Variants in SEC23IP observed in about 807,000 individuals in gnomAD.
SEC23IP encodes the protein SEC23 interacting protein.
Under a neutral mutation model 113.4 loss-of-function variants are expected in SEC23IP, and 70 were observed. The ratio of observed to expected loss-of-function variants is 0.62; its 90% CI spans 0.51 to 0.75. The LOEUF is 0.75. Among genes scored for constraint, SEC23IP ranks in the 30% least tolerant of loss-of-function variants. The pLI, the probability that SEC23IP is intolerant of heterozygous loss-of-function variation, is 0.00. For missense variants in SEC23IP, 1,160 were observed against 1,204.9 expected, an observed-to-expected ratio of 0.96 and a Z score of 0.55; for synonymous variants, 398 against 421.0, an observed-to-expected ratio of 0.95 and a Z score of 0.67.
rs1854363068 is a variant in SEC23IP, at chr10:119,898,555, C to T, written c.292C>T (p.Gln98Ter). The T allele has an allele frequency of 6.2e-7, 1 of 1,614,076 alleles. No individual in the cohort carries two copies. Among genetic ancestry groups the T allele is most frequent in the South Asian group, 1.1e-5 (1 of 91,094 alleles). ...CAGTGATCCTTTTGGGAATATTGGACAGTCACCATTAACAACTGCAGCAAC... is the reference window on the plus strand; with the variant it reads ...CAGTGATCCTTTTGGGAATATTGGATAGTCACCATTAACAACTGCAGCAAC... The part of the protein sequence containing the change: ...SSSDPFGNIG[Q>*]SPLTTAATSV... The change falls in exon 2 of 19, where the codon CAG becomes TAG. Residue 98 changes from glutamine to a stop codon, truncating the protein, a stop_gained. Coordinates refer to ENST00000369075, the MANE Select transcript of SEC23IP (RefSeq NM_007190.4). LOFTEE classifies it high-confidence loss of function.
chr10:119,899,855 A>C (rs1224516408), intron 2 of SEC23IP, among the ~76,000 whole-genome samples: 4 of 152,240 alleles, frequency 2.6e-5, no homozygotes, highest in Admixed American at 2.6e-4. Context: ...TTGCAAAAAT[A>C]AAAAGAGTAC....
chr10:119,905,020 G>T (rs980955889), intron 4 of SEC23IP, among the ~76,000 whole-genome samples: 2 of 152,200 alleles, frequency 1.3e-5, no homozygotes, highest in East Asian at 3.9e-4. Context: ...AGTAGTCCGA[G>T]CTACTCGGGA....
At chr10:119,918,618 G>C (rs1855133527) in intron 10 of SEC23IP, 107 bp downstream of exon 10, 1 of 771,402 alleles carries the variant, frequency 1.3e-6, no homozygotes, top group Non-Finnish European at 2.2e-6. Flanking sequence ...TTGTTTGTTT[G>C]TTTGTTTGTT....
intron 3 of SEC23IP, among the ~76,000 whole-genome samples, 194 bp downstream of exon 3, chr10:119,903,203 T>C (rs939959737): frequency 1.3e-5 from 2 of 152,236 alleles, no homozygotes; most frequent in Non-Finnish European, 2.9e-5. Flanking sequence ...GTTTTAGTAA[T>C]TTACTTCGTA....
chr10:119,893,732 A>C (rs1024771393), intron 1 of SEC23IP, among the ~76,000 whole-genome samples: 1 of 151,820 alleles, frequency 6.6e-6, no homozygotes, highest in African/African-American at 2.4e-5. Flanking sequence ...GTTGGCCAGG[A>C]TGGTCTCAAT....
intron 1 of SEC23IP, among the ~76,000 whole-genome samples, chr10:119,896,196 G>A (rs995322466): frequency 6.6e-6 from 1 of 152,206 alleles, no homozygotes; most frequent in Non-Finnish European, 1.5e-5. Flanking sequence ...GAAGACCAGA[G>A]TGTCAGCTCT....
Position 119,925,127 on chromosome 10 carries a change from TGTGTC to T in SEC23IP, c.2122-906_2122-902del, listed in dbSNP as rs1855377858. 2.0e-5 allele frequency among the ~76,000 whole-genome samples: 3 copies of T among 152,202 alleles called. No homozygotes were observed. The South Asian group carries it at 6.2e-4, about 32-fold the overall frequency. ...GTGAGTTTTCACGATTGTATGCACTTGTGTCGTCACTGCCTAAAACAAGAAATTGA... is the reference window on the plus strand; with the variant it reads ...GTGAGTTTTCACGATTGTATGCACTTGTCACTGCCTAAAACAAGAAATTGA... On this transcript the variant is annotated intron_variant, in intron 12 of 18. Transcript: ENST00000369075.
At chr10:119,892,997 G>T in intron 1 of SEC23IP, 52 bp downstream of exon 1, 2 of 1,568,482 alleles carry the variant, frequency 1.3e-6, no homozygotes, top group Non-Finnish European at 1.7e-6. Flanking sequence ...CGGGGGACGT[G>T]CAATGACAAA....
chr10:119,902,698 A>C (rs1854536172), intron 2 of SEC23IP, 101 bp from the exon 3 acceptor site: 1 of 914,872 alleles, frequency 1.1e-6, no homozygotes, highest in South Asian at 1.6e-5. Flanking sequence ...AATTGTCCAG[A>C]TATACATGTA....
chr10:119,901,917 C>T (rs1227637126), intron 2 of SEC23IP, among the ~76,000 whole-genome samples: 2 of 152,124 alleles, frequency 1.3e-5, no homozygotes, highest in Admixed American at 1.3e-4. Context: ...GAACTCCTGA[C>T]CTTAGGTGAT....
intron 5 of SEC23IP, among the ~76,000 whole-genome samples, chr10:119,909,877 CTCTG>C (rs1854803427): frequency 6.6e-6 from 1 of 152,186 alleles, no homozygotes; most frequent in Non-Finnish European, 1.5e-5. Flanking sequence ...CACAGCAAGA[CTCTG>C]TCTAAATAAA....
intron 12 of SEC23IP, among the ~76,000 whole-genome samples, chr10:119,921,559 A>G (rs1467844459): frequency 6.6e-6 from 1 of 152,262 alleles, no homozygotes; most frequent in African/African-American, 2.4e-5. Context: ...GCACCAAGTA[A>G]TAGCTCACTT....
chr10:119,924,660 G>A (rs908673957), intron 12 of SEC23IP, among the ~76,000 whole-genome samples: 1 of 151,912 alleles, frequency 6.6e-6, no homozygotes, highest in East Asian at 1.9e-4. Context: ...TGATTCGCCC[G>A]CCTCGGCCTC....
At chr10:119,914,695 A>T (rs781736080) in intron 6 of SEC23IP, 35 bp from the exon 7 acceptor site, 1 of 1,549,666 alleles carries the variant, frequency 6.5e-7, no homozygotes, top group South Asian at 1.1e-5. Context: ...ACAAATTCCC[A>T]TCTTTTATGT....
At chr10:119,894,316 C>G (rs1660374786) in intron 1 of SEC23IP, among the ~76,000 whole-genome samples, 1 of 152,100 alleles carries the variant, frequency 6.6e-6, no homozygotes, top group African/African-American at 2.4e-5. Context: ...ATAATTTATT[C>G]TTGTTTGAAG....
chr10:119,904,747 G>A (rs1020145023), intron 4 of SEC23IP: 1 of 153,442 alleles, frequency 6.5e-6, no homozygotes, highest in Non-Finnish European at 1.5e-5. Flanking sequence ...TTAAATGCTT[G>A]TGTTAATTCT....
intron 13 of SEC23IP, among the ~76,000 whole-genome samples, chr10:119,926,490 C>G (rs1478110095): frequency 6.6e-6 from 1 of 152,196 alleles, no homozygotes; most frequent in Non-Finnish European, 1.5e-5. Context: ...GCATCAGTCT[C>G]TTATAGCCAC....
chr10:119,907,779 T>C (rs1383284074), intron 4 of SEC23IP, among the ~76,000 whole-genome samples: 1 of 152,074 alleles, frequency 6.6e-6, no homozygotes, highest in Non-Finnish European at 1.5e-5. Context: ...GGTGATACCT[T>C]GTCTCTACTA....
At chr10:119,940,474 A>G (rs565967555) in intron 18 of SEC23IP, 112 bp from the exon 19 acceptor site, 5 of 152,148 alleles carry the variant, frequency 3.3e-5, no homozygotes, top group African/African-American at 1.2e-4. Context: ...GGCGTGAGAC[A>G]CCGTGCCTGG....
Sources: gnomAD v4.1 joint callset for allele counts (sites outside exome capture counted in the v4.1 genomes callset) on GRCh38, gnomAD v4.1.1 for gene constraint, MANE v1.5 for transcripts, NCBI Gene and HGNC (gene_info 2026-07-23, HGNC 2026-07-21) for gene names.